RALGAPA1: variants seen among roughly 807,000 people sequenced by gnomAD.
RALGAPA1 encodes ral GTPase-activating protein subunit alpha-1.
Under a neutral mutation model 269.6 loss-of-function variants are expected in RALGAPA1, and 52 were observed. That is an observed-to-expected ratio of 0.19 (90% confidence interval 0.15 to 0.24). The LOEUF is 0.24. RALGAPA1 is among the 10% of genes least tolerant of loss of function. The pLI is 1.00. For synonymous variants in RALGAPA1, 817 were observed against 1,008.3 expected, an observed-to-expected ratio of 0.81 and a Z score of 3.60; for missense variants, 1,917 against 3,013.9, an observed-to-expected ratio of 0.64 and a Z score of 8.52.
chr14:35,679,248 A>C (rs536031961), intron 21 of RALGAPA1, among the ~76,000 whole-genome samples: 2 of 152,342 alleles, frequency 1.3e-5, no homozygotes, highest in South Asian at 4.2e-4. Context: ...AAATATCAAT[A>C]TTCTGAACTC....
At chr14:35,728,896 G>A (rs367751616) in intron 12 of RALGAPA1, among the ~76,000 whole-genome samples, 33 of 151,926 alleles carry the variant, frequency 2.2e-4, no homozygotes, top group Admixed American at 1.4e-3. Flanking sequence ...CACCATGCCA[G>A]GCTAATTTTT....
chr14:35,602,774 T>C (rs1490714873), intron 36 of RALGAPA1, among the ~76,000 whole-genome samples: 1 of 152,218 alleles, frequency 6.6e-6, no homozygotes, highest in African/African-American at 2.4e-5. Flanking sequence ...TCTGGTTTTG[T>C]CTTTGTTGCT....
rs2053786514 is a variant in RALGAPA1 at position 35,539,679 on chromosome 14, C to T, written c.*35G>A. On this transcript the variant is annotated 3_prime_UTR_variant, in exon 42 of 42. Coordinates refer to ENST00000680220, the MANE Select transcript of RALGAPA1 (RefSeq NM_001346249.2). ...GTGGGAGTTTCACTGGGTAGAATCT[C>T]TGGGTAGGAGCCTGTAGGAAACAGC... The T allele has an allele frequency of 2.5e-6, 4 of 1,614,042 alleles. No homozygotes were observed. Among genetic ancestry groups the T allele is most frequent in the Non-Finnish European group, 3.4e-6 (4 of 1,179,964 alleles).
At chr14:35,677,923 G>A in intron 22 of RALGAPA1, 27 bp downstream of exon 22, 1 of 1,606,574 alleles carries the variant, frequency 6.2e-7, no homozygotes, top group Non-Finnish European at 8.5e-7. Flanking sequence ...AAAGAAAAAA[G>A]GTAAATATCT....
intron 6 of RALGAPA1, among the ~76,000 whole-genome samples, chr14:35,758,411 T>C (rs936447012): frequency 6.6e-6 from 1 of 152,036 alleles, no homozygotes; most frequent in Non-Finnish European, 1.5e-5. Context: ...AATCCACTGT[T>C]CCCATAAAGA....
At position 35,808,172 on chromosome 14, in the gene RALGAPA1, T is replaced by G. The variant is rs1234576134; in HGVS notation, c.106+558A>C. 3.9e-5 allele frequency among the ~76,000 whole-genome samples: 6 copies of G among 152,250 alleles called. No individual in the cohort carries two copies. In the East Asian group the frequency reaches 1.2e-3, roughly 29 times the overall value. Reference sequence around the variant, plus strand: ...CAATTCTCGAGAAGCAAAGGATGAGTTAAACTACCTATAATAGTTCTCCCT... The same window carrying G: ...CAATTCTCGAGAAGCAAAGGATGAGGTAAACTACCTATAATAGTTCTCCCT... On this transcript the variant is annotated intron_variant, in intron 1 of 41. Coordinates refer to ENST00000680220, the MANE Select transcript of RALGAPA1 (RefSeq NM_001346249.2).
At chr14:35,722,324 AATACTGGC>A (rs2069494284) in intron 15 of RALGAPA1, among the ~76,000 whole-genome samples, 1 of 152,220 alleles carries the variant, frequency 6.6e-6, no homozygotes, top group Admixed American at 6.5e-5. Flanking sequence ...AACAATGCAA[AATACTGGC>A]TGGGAGTAGT....
intron 1 of RALGAPA1, among the ~76,000 whole-genome samples, chr14:35,794,079 C>T (rs17103545): frequency 0.11 from 16,958 of 151,998 alleles, 1,571 homozygotes; most frequent in East Asian, 0.37. Context: ...CAGACAGATT[C>T]AAATTAAAGA....
intron 16 of RALGAPA1, among the ~76,000 whole-genome samples, chr14:35,712,228 C>T (rs1292152992): frequency 9.0e-6 from 1 of 111,714 alleles, no homozygotes; most frequent in Non-Finnish European, 1.7e-5. Flanking sequence ...GCCTGGGTGA[C>T]AGAGCATGTC....
At chr14:35,758,113 G>A (rs767115489) in intron 6 of RALGAPA1, among the ~76,000 whole-genome samples, 2 of 151,670 alleles carry the variant, frequency 1.3e-5, no homozygotes, top group African/African-American at 2.4e-5. Context: ...TTAGCCTGGC[G>A]TGGTGGCACA....
chr14:35,558,554 T>C (rs11623264), intron 39 of RALGAPA1, among the ~76,000 whole-genome samples: 13,001 of 152,286 alleles, frequency 0.085, 806 homozygotes, highest in East Asian at 0.32. Flanking sequence ...AAGGAATTAC[T>C]ACAGGTGGTT....
At chr14:35,718,690 T>C (rs900029921) in intron 16 of RALGAPA1, among the ~76,000 whole-genome samples, 1 of 151,870 alleles carries the variant, frequency 6.6e-6, no homozygotes, top group Admixed American at 6.6e-5. Flanking sequence ...GTGGCATGTG[T>C]CTGTAGTCCC....
intron 26 of RALGAPA1, among the ~76,000 whole-genome samples, chr14:35,667,583 G>T (rs1472878552): frequency 1.3e-5 from 2 of 152,172 alleles, no homozygotes; most frequent in African/African-American, 4.8e-5. Context: ...CCAGGATGGG[G>T]TCTGAGATTC....
chr14:35,581,763 A>G (rs1015307075), intron 37 of RALGAPA1, among the ~76,000 whole-genome samples: 16 of 152,180 alleles, frequency 1.1e-4, no homozygotes, highest in African/African-American at 3.9e-4. Context: ...GAAAAATTGC[A>G]ACCCTTAAGC....
intron 4 of RALGAPA1, chr14:35,766,992 C>G: frequency 5.3e-6 from 2 of 377,528 alleles, no homozygotes; most frequent in South Asian, 2.3e-5. Flanking sequence ...CAGCTTCTTA[C>G]AGTAGCCAGA....
At position 35,775,009 on chromosome 14, in the gene RALGAPA1, A is replaced by G; in HGVS notation, c.264T>C (p.Phe88=). The change falls in exon 3 of 42, where the codon TTT becomes TTC. Residue 88 remains phenylalanine (F), a synonymous_variant. Coordinates refer to ENST00000680220, the MANE Select transcript of RALGAPA1 (RefSeq NM_001346249.2). Reference sequence around the variant, plus strand: ...AGTTAGGTTCAGAAGCACTTACCTCAAAAATAAAAAGTATAGCATCCAATT... The same window carrying G: ...AGTTAGGTTCAGAAGCACTTACCTCGAAAATAAAAAGTATAGCATCCAATT... ...REELDAILFI[F]EKILQLLPER... 6.4e-7 allele frequency: 1 copy of G among 1,569,136 alleles called. No homozygotes were observed. Among genetic ancestry groups the G allele is most frequent in the Non-Finnish European group, 8.7e-7 (1 of 1,149,060 alleles).
At chr14:35,656,654 T>A (rs1354587611) in intron 28 of RALGAPA1, among the ~76,000 whole-genome samples, 1 of 152,204 alleles carries the variant, frequency 6.6e-6, no homozygotes, top group Non-Finnish European at 1.5e-5. Flanking sequence ...ATACTGATAT[T>A]CTTAATTTTA....
At chr14:35,771,613 T>C (rs1288798542) in intron 3 of RALGAPA1, among the ~76,000 whole-genome samples, 1 of 152,214 alleles carries the variant, frequency 6.6e-6, no homozygotes, top group Non-Finnish European at 1.5e-5. Flanking sequence ...AATGATTAAA[T>C]GCTAATTCTA....
chr14:35,587,374 T>C (rs925065543), intron 37 of RALGAPA1, among the ~76,000 whole-genome samples: 2 of 152,172 alleles, frequency 1.3e-5, no homozygotes, highest in Non-Finnish European at 2.9e-5. Context: ...ACTGGGTGTA[T>C]ACCCAAAGAA....
Sources: gnomAD v4.1 joint callset for allele counts (sites outside exome capture counted in the v4.1 genomes callset) on GRCh38, gnomAD v4.1.1 for gene constraint, MANE v1.5 for transcripts, NCBI Gene and HGNC (gene_info 2026-07-23, HGNC 2026-07-21) for gene names.